PARP8: variants seen among roughly 807,000 people sequenced by gnomAD.
PARP8 encodes protein mono-ADP-ribosyltransferase PARP8.
PARP8 carries 51 observed loss-of-function variants against 124.1 expected under a neutral mutation model. That is an observed-to-expected ratio of 0.41 (90% CI 0.33 to 0.52). PARP8 has a LOEUF of 0.52. PARP8 is among the 20% of genes least tolerant of loss of function. The pLI, the probability that PARP8 is intolerant of heterozygous loss-of-function variation, is 0.21. For missense variants in PARP8, 860 were observed against 1,018.9 expected (o/e 0.84, Z 2.12); for synonymous variants, 391 against 361.5 (o/e 1.08, Z -0.93).
At chr5:50,757,198 A>G in intron 3 of PARP8, 1 of 455,820 alleles carries the variant, frequency 2.2e-6, no homozygotes, top group Non-Finnish European at 4.4e-6. Context: ...GTGGATCTCA[A>G]AAGGATTGCT....
chr5:50,670,108 A>G (rs1749835105), intron 2 of PARP8, among the ~76,000 whole-genome samples: 1 of 152,244 alleles, frequency 6.6e-6, no homozygotes, highest in Admixed American at 6.5e-5. Context: ...TTCATTACCG[A>G]CATTATAAAC....
At chr5:50,750,671 C>T (rs1003350917) in intron 3 of PARP8, among the ~76,000 whole-genome samples, 3 of 151,954 alleles carry the variant, frequency 2.0e-5, no homozygotes, top group Admixed American at 6.6e-5. Context: ...GTATTTTCTG[C>T]GGCAGTTTGC....
intron 16 of PARP8, among the ~76,000 whole-genome samples, chr5:50,821,995 T>C (rs1175157484): frequency 1.3e-5 from 2 of 152,238 alleles, no homozygotes; most frequent in Non-Finnish European, 2.9e-5. Flanking sequence ...AGTGGGTTTT[T>C]GTATTTTAGG....
chr5:50,715,305 ACT>A (rs1249227244), intron 2 of PARP8, among the ~76,000 whole-genome samples: 2 of 151,976 alleles, frequency 1.3e-5, no homozygotes, highest in Non-Finnish European at 2.9e-5. Context: ...GCTCCTCCAC[ACT>A]CTGTCAAAAT....
Position 50,812,379 on chromosome 5 carries a change from C to A in PARP8, c.1576-3053C>A, listed in dbSNP as rs565469906. Among the ~76,000 whole-genome samples the A allele has an allele frequency of 6.4e-4, 98 of 152,332 alleles. 1 individual carries two copies. In the South Asian group the frequency reaches 0.016, roughly 24 times the overall value. On this transcript the variant is annotated intron_variant, in intron 14 of 25. Coordinates refer to ENST00000281631, the MANE Select transcript of PARP8 (RefSeq NM_024615.4). Reference sequence around the variant, plus strand: ...CATTTTTTCATGTGTCTGTTGGCTGCATAAATGTCTTCTTTTGAGAAGTGT... The same window carrying A: ...CATTTTTTCATGTGTCTGTTGGCTGAATAAATGTCTTCTTTTGAGAAGTGT...
At chr5:50,824,086 T>C (rs1400779655) in intron 17 of PARP8, among the ~76,000 whole-genome samples, 1 of 152,258 alleles carries the variant, frequency 6.6e-6, no homozygotes, top group Non-Finnish European at 1.5e-5. Context: ...GAGATTGCTC[T>C]TTGTTCTGTG....
chr5:50,805,074 G>T (rs573716501), intron 14 of PARP8, among the ~76,000 whole-genome samples: 1 of 152,054 alleles, frequency 6.6e-6, no homozygotes, highest in South Asian at 2.1e-4. Context: ...AGTTGACTCA[G>T]GCCATTTTTG....
At chr5:50,841,820 C>T (rs1415438257) in intron 25 of PARP8, 146 bp from the exon 26 acceptor site, 2 of 528,348 alleles carry the variant, frequency 3.8e-6, no homozygotes, top group African/African-American at 2.0e-5. Context: ...AATGAGAACA[C>T]ATTGTTAAAT....
chr5:50,799,342 A>G (rs1188509839), intron 14 of PARP8, among the ~76,000 whole-genome samples: 1 of 152,152 alleles, frequency 6.6e-6, no homozygotes, highest in Non-Finnish European at 1.5e-5. Context: ...CTACTGAATG[A>G]TCTTGGCACC....
intron 1 of PARP8, 73 bp downstream of exon 1, chr5:50,667,259 T>G: frequency 3.6e-6 from 5 of 1,379,988 alleles, no homozygotes; most frequent in East Asian, 2.5e-5. Flanking sequence ...CGTCTGTGGC[T>G]GGGGGTGGGG....
intron 2 of PARP8, among the ~76,000 whole-genome samples, chr5:50,677,534 A>G (rs1208213709): frequency 6.6e-6 from 1 of 152,174 alleles, no homozygotes; most frequent in Admixed American, 6.5e-5. Flanking sequence ...TGGTGATTTC[A>G]GTTTCAGTTA....
intron 9 of PARP8, among the ~76,000 whole-genome samples, chr5:50,785,060 AAT>A (rs1199858659): frequency 5.3e-5 from 8 of 151,788 alleles, no homozygotes; most frequent in African/African-American, 1.9e-4. Flanking sequence ...TTTTAATAAT[AAT>A]ATGTGTTTTA....
intron 2 of PARP8, among the ~76,000 whole-genome samples, chr5:50,681,582 T>A: frequency 6.6e-6 from 1 of 152,180 alleles, no homozygotes; most frequent in East Asian, 1.9e-4. Context: ...TCATATAAAA[T>A]GTAATTCCAG....
intron 2 of PARP8, among the ~76,000 whole-genome samples, chr5:50,739,332 C>G (rs1175377123): frequency 6.6e-6 from 1 of 151,612 alleles, no homozygotes; most frequent in Non-Finnish European, 1.5e-5. Context: ...ATTGAGGAGG[C>G]CTTTGGATGT....
intron 1 of PARP8, chr5:50,667,793 G>C: frequency 1.1e-6 from 1 of 917,062 alleles, no homozygotes; most frequent in Non-Finnish European, 1.7e-6. Context: ...TCGCTACCGC[G>C]AGCCCGGCTG....
At chr5:50,818,922 C>A (rs892903113) in intron 15 of PARP8, among the ~76,000 whole-genome samples, 4 of 152,106 alleles carry the variant, frequency 2.6e-5, no homozygotes, top group Admixed American at 2.6e-4. Flanking sequence ...GGACTGGACC[C>A]CTTCGATCAT....
upstream of PARP8, chr5:50,665,966 A>C (rs1749249004): frequency 6.6e-6 from 1 of 152,260 alleles, no homozygotes; most frequent in Admixed American, 6.5e-5. Flanking sequence ...AGGTGGTTTT[A>C]AAAATCAAGC....
chr5:50,822,846 G>A (rs1745916636), intron 17 of PARP8, among the ~76,000 whole-genome samples: 1 of 152,126 alleles, frequency 6.6e-6, no homozygotes, highest in African/African-American at 2.4e-5. Context: ...CCAGGCTCCC[G>A]GAGAGTATGG....
chr5:50,682,401 T>C (rs1242329846), intron 2 of PARP8, among the ~76,000 whole-genome samples: 1 of 152,114 alleles, frequency 6.6e-6, no homozygotes, highest in Non-Finnish European at 1.5e-5. Context: ...AGCTAAATTT[T>C]AATGAATTCA....
Sources: gnomAD v4.1 joint callset for allele counts (sites outside exome capture counted in the v4.1 genomes callset) on GRCh38, gnomAD v4.1.1 for gene constraint, MANE v1.5 for transcripts, NCBI Gene and HGNC (gene_info 2026-07-23, HGNC 2026-07-21) for gene names.